The following AP2B1 variants were observed in gnomAD, a reference collection of about 807,000 sequenced individuals.
AP2B1 encodes AP-2 complex subunit beta.
AP2B1 carries 23 observed loss-of-function variants against 102.0 expected under a neutral mutation model. The observed-to-expected ratio is 0.23, with a 90% CI of 0.16 to 0.32. The LOEUF is 0.32. Ranked by LOEUF, AP2B1 falls within the 10% of genes least tolerant of loss-of-function variation. AP2B1 has a pLI of 1.00. For synonymous variants in AP2B1, 381 were observed against 421.2 expected (o/e 0.90, Z 1.17); for missense variants, 541 against 1,157.4 (o/e 0.47, Z 7.73).
At chr17:35,655,607 T>G (rs1202018008) in intron 13 of AP2B1, among the ~76,000 whole-genome samples, 1 of 152,226 alleles carries the variant, frequency 6.6e-6, no homozygotes, top group Non-Finnish European at 1.5e-5. Flanking sequence ...TGAATATTCT[T>G]GTATTTGTCT....
At chr17:35,611,392 A>G (rs563437448) in intron 5 of AP2B1, among the ~76,000 whole-genome samples, 25 of 152,340 alleles carry the variant, frequency 1.6e-4, no homozygotes, top group African/African-American at 4.8e-4. Flanking sequence ...ATGCTAATGT[A>G]AATTCTTTAA....
chr17:35,702,771 T>G (rs2076261900), intron 18 of AP2B1, among the ~76,000 whole-genome samples: 1 of 152,108 alleles, frequency 6.6e-6, no homozygotes, highest in Non-Finnish European at 1.5e-5. Context: ...AGCAGGAGGT[T>G]GTATTTGGAG....
At chr17:35,713,381 A>C (rs1356885020) in intron 20 of AP2B1, among the ~76,000 whole-genome samples, 2 of 152,218 alleles carry the variant, frequency 1.3e-5, no homozygotes, top group Non-Finnish European at 2.9e-5. Flanking sequence ...CTAGTCTTGC[A>C]AGACCACTTC....
chr17:35,687,638 C>G (rs1303918676), intron 18 of AP2B1, among the ~76,000 whole-genome samples: 2 of 152,048 alleles, frequency 1.3e-5, no homozygotes, highest in African/African-American at 4.8e-5. Flanking sequence ...GCCTCAAACT[C>G]CTAGGCTCAA....
At chr17:35,703,879 G>A (rs2076289580) in intron 18 of AP2B1, among the ~76,000 whole-genome samples, 1 of 149,494 alleles carries the variant, frequency 6.7e-6, no homozygotes, top group Non-Finnish European at 1.5e-5. Context: ...TATTATCCAA[G>A]TGAAGATATT....
At chr17:35,602,193 G>A (rs2073512014) in intron 3 of AP2B1, among the ~76,000 whole-genome samples, 1 of 152,098 alleles carries the variant, frequency 6.6e-6, no homozygotes, top group African/African-American at 2.4e-5. Context: ...TTGCCTTCAT[G>A]ATTTTTACTG....
At chr17:35,696,852 G>T (rs150722831) in intron 18 of AP2B1, among the ~76,000 whole-genome samples, 1 of 152,266 alleles carries the variant, frequency 6.6e-6, no homozygotes, top group East Asian at 1.9e-4. Context: ...CAAAGGAACA[G>T]CAGTTTTTGT....
chr17:35,664,523 T>C (rs551740887), intron 14 of AP2B1, among the ~76,000 whole-genome samples: 1 of 152,358 alleles, frequency 6.6e-6, no homozygotes, highest in South Asian at 2.1e-4. Context: ...TTTTGTCCTT[T>C]TGGTGATAAT....
At chr17:35,686,578 A>T (rs1425421677) in intron 18 of AP2B1, among the ~76,000 whole-genome samples, 1 of 152,200 alleles carries the variant, frequency 6.6e-6, no homozygotes, top group Admixed American at 6.5e-5. Flanking sequence ...TTCCAGGGCC[A>T]TAAACTCTTT....
intron 5 of AP2B1, among the ~76,000 whole-genome samples, chr17:35,622,103 C>T (rs1490855089): frequency 6.6e-6 from 1 of 152,148 alleles, no homozygotes; most frequent in Non-Finnish European, 1.5e-5. Context: ...CTCTTTATGG[C>T]TTTTCTCATG....
At chr17:35,592,646 G>C (rs900025479) in intron 1 of AP2B1, among the ~76,000 whole-genome samples, 2 of 152,080 alleles carry the variant, frequency 1.3e-5, no homozygotes, top group African/African-American at 4.8e-5. Context: ...AGGTCCAAGC[G>C]ATTCTCCTGC....
At chr17:35,613,437 C>G (rs1421545294) in intron 5 of AP2B1, among the ~76,000 whole-genome samples, 1 of 152,010 alleles carries the variant, frequency 6.6e-6, no homozygotes, top group East Asian at 1.9e-4. Context: ...TCACATACAT[C>G]TTACTTTCCT....
At chr17:35,680,728 G>T (rs1424045395) in intron 17 of AP2B1, among the ~76,000 whole-genome samples, 6 of 119,518 alleles carry the variant, frequency 5.0e-5, no homozygotes, top group Admixed American at 1.0e-4. Context: ...AGACAGTCTT[G>T]CTCTGTCGCC....
At chr17:35,626,547 A>G in intron 6 of AP2B1, 74 bp from the exon 7 acceptor site, 1 of 1,253,770 alleles carries the variant, frequency 8.0e-7, no homozygotes, top group Non-Finnish European at 1.1e-6. Context: ...TTAGACTCTG[A>G]CATATTACCT....
At chr17:35,614,987 C>G (rs890973174) in intron 5 of AP2B1, among the ~76,000 whole-genome samples, 1 of 152,108 alleles carries the variant, frequency 6.6e-6, no homozygotes, top group Non-Finnish European at 1.5e-5. Context: ...GGTTGTCAAA[C>G]CTGATGGGAG....
chr17:35,699,106 T>G (rs2076193190), intron 18 of AP2B1, among the ~76,000 whole-genome samples: 1 of 152,180 alleles, frequency 6.6e-6, no homozygotes, highest in Admixed American at 6.5e-5. Context: ...TCAGTTTCAG[T>G]GTCTTTTGGT....
At chr17:35,596,125 T>C (rs961813210) in intron 2 of AP2B1, among the ~76,000 whole-genome samples, 19 of 152,196 alleles carry the variant, frequency 1.2e-4, no homozygotes, top group African/African-American at 4.6e-4. Flanking sequence ...AACATATTCT[T>C]TAAATTTATG....
intron 2 of AP2B1, among the ~76,000 whole-genome samples, chr17:35,596,655 G>A (rs1246252140): frequency 6.6e-6 from 1 of 151,810 alleles, no homozygotes; most frequent in Non-Finnish European, 1.5e-5. Flanking sequence ...AGGGCCTTCC[G>A]CGGAGGCCGC....
intron 18 of AP2B1, among the ~76,000 whole-genome samples, chr17:35,690,497 T>C (rs587733853): frequency 6.6e-6 from 1 of 152,354 alleles, no homozygotes; most frequent in South Asian, 2.1e-4. Flanking sequence ...AAGTGCCATC[T>C]ATTTTATCCT....
Sources: allele counts gnomAD v4.1 joint callset (sites outside exome capture counted in the v4.1 genomes callset), GRCh38; gene constraint gnomAD v4.1.1; transcripts MANE v1.5; gene names NCBI Gene and HGNC (gene_info 2026-07-23, HGNC 2026-07-21).